Variants in CPQ observed in about 807,000 individuals in gnomAD.
CPQ encodes Ser-Met dipeptidase.
CPQ carries 37 observed loss-of-function variants against 45.7 expected under a neutral mutation model. That is an observed-to-expected ratio of 0.81 (90% CI 0.62 to 1.07). The LOEUF is 1.07. CPQ is among the 50% of genes least tolerant of loss of function. CPQ has a pLI of 0.00. For missense variants in CPQ, 537 were observed against 572.9 expected, an observed-to-expected ratio of 0.94 and a Z score of 0.64; for synonymous variants, 186 against 205.8, an observed-to-expected ratio of 0.90 and a Z score of 0.82.
intron 6 of CPQ, among the ~76,000 whole-genome samples, chr8:97,054,405 G>A (rs1398753546): frequency 2.6e-5 from 4 of 152,146 alleles, no homozygotes; most frequent in Non-Finnish European, 4.4e-5. Flanking sequence ...ATTCTATCCA[G>A]CAATCCCACT....
At chr8:96,893,020 T>C (rs1249688495) in intron 4 of CPQ, among the ~76,000 whole-genome samples, 1 of 152,206 alleles carries the variant, frequency 6.6e-6, no homozygotes, top group Non-Finnish European at 1.5e-5. Context: ...TCTCATACAT[T>C]ATCTCCTTTA....
chr8:97,127,612 C>T (rs1052348949), intron 7 of CPQ, among the ~76,000 whole-genome samples: 1 of 152,070 alleles, frequency 6.6e-6, no homozygotes, highest in Non-Finnish European at 1.5e-5. Context: ...TTACTTGAAC[C>T]TGGGAAGTGA....
intron 1 of CPQ, among the ~76,000 whole-genome samples, chr8:96,683,160 C>T (rs1809174348): frequency 6.6e-6 from 1 of 151,974 alleles, no homozygotes; most frequent in Non-Finnish European, 1.5e-5. Context: ...TATCCATTTG[C>T]TTTCAGATGT....
chr8:96,743,313 G>A (rs1810123179), intron 1 of CPQ, among the ~76,000 whole-genome samples: 1 of 151,330 alleles, frequency 6.6e-6, no homozygotes. Context: ...TCGAGCCTTG[G>A]TTTTCAGCTC....
intron 1 of CPQ, among the ~76,000 whole-genome samples, chr8:96,654,045 G>T (rs1356713987): frequency 6.6e-6 from 1 of 152,172 alleles, no homozygotes; most frequent in Non-Finnish European, 1.5e-5. Flanking sequence ...TGTCATAAAA[G>T]AAGTCAAATG....
chr8:97,078,401 C>T lies in CPQ; in HGVS notation c.1255+12191C>T, dbSNP rs559059828. Among the ~76,000 whole-genome samples the T allele has an allele frequency of 2.0e-4, 31 of 152,262 alleles. No homozygotes were observed. In the South Asian group the frequency reaches 5.8e-3, roughly 29 times the overall value. On this transcript the variant is annotated intron_variant, in intron 7 of 7. Transcript: ENST00000220763. ...ATTGTTTCTAGGTCTTTTCAGCAGACAGGACTAGGAAACACTTTTTTTCTC... is the reference window on the plus strand; with the variant it reads ...ATTGTTTCTAGGTCTTTTCAGCAGATAGGACTAGGAAACACTTTTTTTCTC...
chr8:96,999,049 A>G (rs1192861752), intron 5 of CPQ, among the ~76,000 whole-genome samples: 4 of 151,906 alleles, frequency 2.6e-5, no homozygotes, highest in Non-Finnish European at 1.5e-5. Flanking sequence ...CAATGTCCCC[A>G]TGAGGCTGGT....
chr8:96,652,757 T>G (rs1815591397), intron 1 of CPQ, among the ~76,000 whole-genome samples: 1 of 152,112 alleles, frequency 6.6e-6, no homozygotes, highest in Non-Finnish European at 1.5e-5. Flanking sequence ...CTCAGCCTCC[T>G]GAGTAGCTGG....
At chr8:97,127,022 A>G (rs1425464092) in intron 7 of CPQ, among the ~76,000 whole-genome samples, 1 of 152,224 alleles carries the variant, frequency 6.6e-6, no homozygotes, top group East Asian at 1.9e-4. Context: ...TTAACTCAAA[A>G]TGGATCATAA....
chr8:96,702,684 T>G (rs1809479305), intron 1 of CPQ, among the ~76,000 whole-genome samples: 1 of 152,220 alleles, frequency 6.6e-6, no homozygotes, highest in Non-Finnish European at 1.5e-5. Context: ...GTAACTTTTC[T>G]AAGATCACAC....
rs377495470 is a variant in CPQ, at chr8:96,837,604, A to G, written c.641+2424A>G. Among the ~76,000 whole-genome samples the G allele has an allele frequency of 1.6e-3, 239 of 152,016 alleles. 2 individuals carry two copies. The highest frequency in any genetic ancestry group is 5.6e-3 in the African/African-American group (232 of 41,452). On this transcript the variant is annotated intron_variant, in intron 3 of 7. Transcript: ENST00000220763. ...ACCTGTGTATCCTCATCATGCTCCT[A>G]TGAATGCGGTTCATACTTGTGAAGA... is the stretch of plus-strand genomic sequence containing the variant.
intron 3 of CPQ, among the ~76,000 whole-genome samples, chr8:96,857,913 C>T (rs554814307): frequency 3.5e-4 from 54 of 152,286 alleles, no homozygotes; most frequent in Non-Finnish European, 5.3e-4. Context: ...AACTGAGTGT[C>T]GCAGTGAATG....
At chr8:96,904,974 T>G (rs879268185) in intron 4 of CPQ, among the ~76,000 whole-genome samples, 4 of 152,162 alleles carry the variant, frequency 2.6e-5, no homozygotes, top group Non-Finnish European at 5.9e-5. Context: ...TTTGAGGTCC[T>G]CAGTAGACAG....
At chr8:96,945,586 GA>G (rs1274872691) in intron 4 of CPQ, among the ~76,000 whole-genome samples, 3 of 152,048 alleles carry the variant, frequency 2.0e-5, no homozygotes, top group African/African-American at 7.2e-5. Flanking sequence ...TTCCCAAGAT[GA>G]AAGAGTGCCT....
chr8:96,927,453 G>A (rs928459044), intron 4 of CPQ, among the ~76,000 whole-genome samples: 4 of 152,068 alleles, frequency 2.6e-5, no homozygotes, highest in African/African-American at 2.4e-5. Flanking sequence ...AGGTCACTCT[G>A]GACTTCATAC....
chr8:96,816,022 G>T (rs1019987826), intron 2 of CPQ, among the ~76,000 whole-genome samples: 23 of 152,218 alleles, frequency 1.5e-4, no homozygotes, highest in Non-Finnish European at 2.8e-4. Context: ...GAAGGCTAGG[G>T]TGGCTGTGGC....
rs147164604 is a variant in CPQ, at chr8:96,981,717, T to C, written c.961+15671T>C. The stretch of plus-strand genomic sequence containing the variant: ...ATAAAGCAGAGGTTTTTGGTAAAGA[T>C]GCAAAACATCTACCTAAGAAAGCCC... On this transcript the variant is annotated intron_variant, in intron 5 of 7. Coordinates refer to ENST00000220763, the MANE Select transcript of CPQ (RefSeq NM_016134.4). Among the ~76,000 whole-genome samples, 697 of 152,332 alleles carry C rather than the reference T, an allele frequency of 4.6e-3. 39 individuals are homozygous for C. Among genetic ancestry groups the C allele is most frequent in the Admixed American group, 0.041 (626 of 15,302 alleles).
rs148597730 is a variant in CPQ, at chr8:96,918,334, C to T, written c.849+38329C>T. ...ATTTAGCTTTATTGTACCTCCTTTC[C>T]CTGACCTATTTCTTTACAACATAGT... On this transcript the variant is annotated intron_variant, in intron 4 of 7. Transcript: ENST00000220763. Among the ~76,000 whole-genome samples, 119 of 152,094 alleles carry T rather than the reference C, an allele frequency of 7.8e-4. 1 individual carries two copies. Among genetic ancestry groups the T allele is most frequent in the African/African-American group, 2.8e-3 (117 of 41,502 alleles).
intron 2 of CPQ, among the ~76,000 whole-genome samples, chr8:96,796,760 G>T (rs1019827505): frequency 6.6e-6 from 1 of 152,110 alleles, no homozygotes; most frequent in Admixed American, 6.5e-5. Context: ...ATATGGATTG[G>T]TACTTCTGCT....
Sources: gnomAD v4.1 joint callset for allele counts (sites outside exome capture counted in the v4.1 genomes callset) on GRCh38, gnomAD v4.1.1 for gene constraint, MANE v1.5 for transcripts, NCBI Gene and HGNC (gene_info 2026-07-23, HGNC 2026-07-21) for gene names.